CEP128: variants seen among roughly 807,000 people sequenced by gnomAD.
CEP128 encodes the protein centrosomal protein 128kDa.
Under a neutral mutation model 156.7 loss-of-function variants are expected in CEP128, and 132 were observed. The ratio of observed to expected loss-of-function variants is 0.84; its 90% CI spans 0.73 to 0.97. CEP128 has a LOEUF of 0.97. CEP128 is among the 50% of genes least tolerant of loss of function. CEP128 has a pLI of 0.00. For missense variants in CEP128, 1,252 were observed against 1,281.9 expected, an observed-to-expected ratio of 0.98 and a Z score of 0.36; for synonymous variants, 469 against 448.9, an observed-to-expected ratio of 1.04 and a Z score of -0.57.
At chr14:80,485,784 G>A (rs376503773), downstream of CEP128, among the ~76,000 whole-genome samples, 88 of 152,332 alleles carry the variant, frequency 5.8e-4, 1 homozygote, top group African/African-American at 2.0e-3. Flanking sequence ...CTGAGGAAAC[G>A]TAGGAATTGA....
At chr14:80,922,417 T>G (rs1884916519) in intron 2 of CEP128, among the ~76,000 whole-genome samples, 1 of 152,222 alleles carries the variant, frequency 6.6e-6, no homozygotes, top group African/African-American at 2.4e-5. Context: ...TTATTTTAAT[T>G]GTATATTATT....
At chr14:80,506,764 G>T (rs1440062828) in intron 23 of CEP128, among the ~76,000 whole-genome samples, 2 of 152,122 alleles carry the variant, frequency 1.3e-5, no homozygotes, top group African/African-American at 4.8e-5. Context: ...ATTTTCAACA[G>T]GTCCATATAT....
intron 19 of CEP128, among the ~76,000 whole-genome samples, chr14:80,647,097 A>T (rs1894689215): frequency 8.4e-6 from 1 of 118,422 alleles, no homozygotes; most frequent in African/African-American, 3.1e-5. Context: ...ACACCCTTAT[A>T]AATACACATA....
At chr14:80,822,441 G>C in intron 13 of CEP128, 7 of 488,136 alleles carry the variant, frequency 1.4e-5, no homozygotes, top group South Asian at 1.1e-4. Context: ...GCAGTGTGAA[G>C]AAGAGGCGAG....
intron 19 of CEP128, among the ~76,000 whole-genome samples, chr14:80,742,338 G>A (rs577383910): frequency 7.2e-5 from 11 of 151,794 alleles, no homozygotes; most frequent in South Asian, 6.3e-4. Context: ...TGAGACCTTC[G>A]AATCTCCTGT....
intron 10 of CEP128, among the ~76,000 whole-genome samples, chr14:80,839,686 ATATCC>A (rs1363786904): frequency 2.0e-5 from 3 of 152,174 alleles, no homozygotes; most frequent in African/African-American, 7.2e-5. Context: ...TTGTTTTACA[ATATCC>A]TATAAATCTA....
At chr14:80,801,191 A>T (rs1307579820) in intron 13 of CEP128, among the ~76,000 whole-genome samples, 1 of 152,192 alleles carries the variant, frequency 6.6e-6, no homozygotes, top group East Asian at 1.9e-4. Context: ...AAACAGAGAC[A>T]ATTTGACTTC....
At chr14:80,712,106 A>G (rs746717621) in intron 19 of CEP128, among the ~76,000 whole-genome samples, 2 of 152,182 alleles carry the variant, frequency 1.3e-5, no homozygotes, top group Non-Finnish European at 2.9e-5. Flanking sequence ...TGAAATTTTA[A>G]GAAATTAATA....
intron 19 of CEP128, among the ~76,000 whole-genome samples, chr14:80,660,929 G>A (rs769881021): frequency 1.5e-4 from 23 of 152,126 alleles, no homozygotes; most frequent in Non-Finnish European, 2.6e-4. Context: ...AGCATTAGCC[G>A]AGTCACTGCT....
intron 19 of CEP128, among the ~76,000 whole-genome samples, chr14:80,598,966 T>C (rs146414825): frequency 1.3e-5 from 2 of 152,292 alleles, no homozygotes; most frequent in African/African-American, 4.8e-5. Context: ...CTTGACAATA[T>C]CAGTGTCAGT....
At chr14:80,554,412 G>A (rs922578766) in intron 21 of CEP128, among the ~76,000 whole-genome samples, 1 of 152,048 alleles carries the variant, frequency 6.6e-6, no homozygotes, top group Non-Finnish European at 1.5e-5. Flanking sequence ...TCTTTATCTA[G>A]TCTCTGGAAG....
chr14:80,728,439 C>T (rs1251543174), intron 19 of CEP128, among the ~76,000 whole-genome samples: 2 of 151,926 alleles, frequency 1.3e-5, no homozygotes, highest in African/African-American at 4.8e-5. Context: ...GTAATGAAAT[C>T]ATTTGTATAC....
chr14:80,755,807 T>C (rs1899628687), intron 18 of CEP128, among the ~76,000 whole-genome samples: 1 of 152,156 alleles, frequency 6.6e-6, no homozygotes, highest in Admixed American at 6.5e-5. Context: ...AATTCCCCCT[T>C]AGTCAGTTGG....
intron 14 of CEP128, among the ~76,000 whole-genome samples, chr14:80,479,916 C>A (rs1445312674): frequency 6.6e-6 from 1 of 152,142 alleles, no homozygotes; most frequent in African/African-American, 2.4e-5. Flanking sequence ...TCCAGTGGGG[C>A]AGTCAAATGT....
At chr14:80,691,095 T>C (rs1017312405) in intron 19 of CEP128, among the ~76,000 whole-genome samples, 1 of 152,222 alleles carries the variant, frequency 6.6e-6, no homozygotes, top group African/African-American at 2.4e-5. Context: ...CTATAAATAC[T>C]TGAAGTAGAA....
At chr14:80,576,235 C>G (rs573932765) in intron 20 of CEP128, among the ~76,000 whole-genome samples, 22 of 152,184 alleles carry the variant, frequency 1.4e-4, no homozygotes, top group African/African-American at 5.1e-4. Context: ...AATGGATTAC[C>G]TTGTGTGTCT....
At chr14:80,490,423 G>C (rs1278149010), downstream of CEP128, 1 of 152,160 alleles carries the variant, frequency 6.6e-6, no homozygotes, top group Non-Finnish European at 1.5e-5. Flanking sequence ...CCCCAAATCA[G>C]GTTGCTCTGA....
chr14:80,928,523 A>T (rs1885274055), intron 2 of CEP128, among the ~76,000 whole-genome samples: 1 of 152,202 alleles, frequency 6.6e-6, no homozygotes, highest in Non-Finnish European at 1.5e-5. Context: ...TTAACAGTAG[A>T]CTAGACCAAG....
intron 2 of CEP128, among the ~76,000 whole-genome samples, chr14:80,922,720 T>TA (rs1227558693): frequency 6.6e-6 from 1 of 152,124 alleles, no homozygotes; most frequent in Admixed American, 6.5e-5. Flanking sequence ...TTTAAAGATT[T>TA]AAAAGAAAAA....
Sources: gnomAD v4.1 joint callset for allele counts (sites outside exome capture counted in the v4.1 genomes callset) on GRCh38, gnomAD v4.1.1 for gene constraint, MANE v1.5 for transcripts, NCBI Gene and HGNC (gene_info 2026-07-23, HGNC 2026-07-21) for gene names.